IARS1: variants seen among roughly 807,000 people sequenced by gnomAD.
The protein encoded by IARS1 is isoleucine--tRNA ligase, cytoplasmic.
In IARS1, 124 loss-of-function variants were observed where a neutral mutation model predicts 168.2. The observed-to-expected ratio is 0.74, with a 90% CI of 0.64 to 0.86. The LOEUF (loss-of-function observed/expected upper bound fraction) is 0.86. Ranked by LOEUF, IARS1 falls within the 40% of genes least tolerant of loss-of-function variation. The pLI, the probability that IARS1 is intolerant of heterozygous loss-of-function variation, is 0.00. For missense variants in IARS1, 1,452 were observed against 1,515.8 expected, an observed-to-expected ratio of 0.96 and a Z score of 0.70; for synonymous variants, 532 against 529.4, an observed-to-expected ratio of 1.00 and a Z score of -0.07.
intron 33 of IARS1, among the ~76,000 whole-genome samples, chr9:92,220,879 G>A (rs138279946): frequency 2.0e-5 from 3 of 152,162 alleles, no homozygotes; most frequent in African/African-American, 4.8e-5. Flanking sequence ...TGGGAGGATC[G>A]CTGGATCCCA....
Position 92,269,960 on chromosome 9 carries a change from T to C in IARS1, c.1229A>G (p.Lys410Arg). Residue 410 changes from lysine (K) to arginine (R), a missense_variant, in exon 13 of 34, where the codon AAA becomes AGA. By Grantham distance (26) the Lys-to-Arg change is conservative. Transcript: ENST00000443024. ...CWRSDTPLIY[K>R]AVPSWFVRVE... is the part of the protein sequence containing the mutation. ...TCGCACAAACCAGCTGGGCACTGCT[T>C]TGTAAATTAGAGGAGTGTCTGATCT... 6.2e-7 allele frequency: 1 copy of C among 1,613,400 alleles called. No individual in the cohort carries two copies. Among genetic ancestry groups the C allele is most frequent in the Non-Finnish European group, 8.5e-7 (1 of 1,179,422 alleles).
intron 33 of IARS1, among the ~76,000 whole-genome samples, chr9:92,218,884 C>G (rs900797446): frequency 6.6e-5 from 10 of 151,832 alleles, no homozygotes; most frequent in Non-Finnish European, 1.3e-4. Flanking sequence ...CCCCATCAAG[C>G]TACCAATGCC....
Position 92,280,875 on chromosome 9 carries a change from CTGAAGGATCT to C in IARS1, c.606_615del (p.Asp203TyrfsTer3). ...TCTTCCAAAGGGAAAGTTACAAATA[CTGAAGGATCT>C]TGAACATCCTGAAATAAATTGAGGT... On this transcript the variant is annotated frameshift_variant, in exon 7 of 34. Coordinates refer to ENST00000443024, the MANE Select transcript of IARS1 (RefSeq NM_002161.6). LOFTEE classifies it high-confidence loss of function. 1 of 1,610,500 alleles carries C rather than the reference CTGAAGGATCT, an allele frequency of 6.2e-7. No homozygotes were observed. The highest frequency in any genetic ancestry group is 8.5e-7 in the Non-Finnish European group (1 of 1,177,404).
At chr9:92,219,280 A>G (rs1248769176) in intron 33 of IARS1, among the ~76,000 whole-genome samples, 1 of 152,208 alleles carries the variant, frequency 6.6e-6, no homozygotes, top group Non-Finnish European at 1.5e-5. Context: ...AGATGGATTA[A>G]AGACTTAAAC....
chr9:92,240,655 A>T, intron 30 of IARS1: 1 of 717,096 alleles, frequency 1.4e-6, no homozygotes, highest in Non-Finnish European at 2.6e-6. Flanking sequence ...TGGCTTCCAA[A>T]AGTGGTAGAT....
At chr9:92,213,683 T>A (rs887086732) in intron 33 of IARS1, among the ~76,000 whole-genome samples, 1 of 152,170 alleles carries the variant, frequency 6.6e-6, no homozygotes, top group South Asian at 2.1e-4. Context: ...ATCCCATTTG[T>A]GGAAATTTGT....
rs535897296 is a variant in IARS1, at chr9:92,253,565, C to T, written c.2138-112G>A. ...AGCTCCTTCCATCCAAGTGCCTCCA[C>T]TTACTAAGGAGAAAAGAACCAAAAT... On this transcript the variant is annotated intron_variant, in intron 20 of 33. Coordinates refer to ENST00000443024, the MANE Select transcript of IARS1 (RefSeq NM_002161.6). The T allele has an allele frequency of 7.2e-6, 5 of 690,680 alleles. No individual in the cohort carries two copies. The East Asian group carries it at 7.5e-5, about 10-fold the overall frequency. The allele number at this position is 690,680 out of a possible 1,614,324, so 42.8% of individuals were successfully genotyped here.
At chr9:92,244,706 G>A (rs2133636386) in intron 27 of IARS1, among the ~76,000 whole-genome samples, 1 of 152,190 alleles carries the variant, frequency 6.6e-6, no homozygotes, top group Admixed American at 6.5e-5. Flanking sequence ...GTTCATTTTT[G>A]TGCAACCCCA....
At chr9:92,279,529 C>A (rs903444432) in intron 7 of IARS1, among the ~76,000 whole-genome samples, 3 of 152,160 alleles carry the variant, frequency 2.0e-5, no homozygotes, top group Non-Finnish European at 4.4e-5. Flanking sequence ...TATTTGCTCC[C>A]AGGAAAGAAC....
At chr9:92,292,459 A>G (rs1396056318) in intron 1 of IARS1, 1 of 155,004 alleles carries the variant, frequency 6.5e-6, no homozygotes, top group Non-Finnish European at 1.5e-5. Flanking sequence ...ATTCAGGAAG[A>G]ATCATGTACC....
At chr9:92,282,838 A>T in intron 6 of IARS1, among the ~76,000 whole-genome samples, 1 of 140,904 alleles carries the variant, frequency 7.1e-6, no homozygotes, top group Non-Finnish European at 1.5e-5. Context: ...ACATACACAC[A>T]CATATATATA....
intron 31 of IARS1, among the ~76,000 whole-genome samples, chr9:92,223,732 T>C (rs1328126224): frequency 6.6e-6 from 1 of 152,198 alleles, no homozygotes; most frequent in African/African-American, 2.4e-5. Context: ...GGCTAATTGT[T>C]TTCTCTATTT....
intron 30 of IARS1, among the ~76,000 whole-genome samples, chr9:92,232,610 T>G (rs1826895143): frequency 6.6e-6 from 1 of 152,194 alleles, no homozygotes; most frequent in Admixed American, 6.5e-5. Context: ...AGAGGAATCT[T>G]GGAAAAGGAA....
intron 3 of IARS1, 87 bp downstream of exon 3, chr9:92,288,039 G>A (rs1285678242): frequency 7.9e-6 from 12 of 1,520,488 alleles, no homozygotes; most frequent in East Asian, 6.8e-5. Context: ...GACAGTCAAC[G>A]TTCATCATAC....
At position 92,234,102 on chromosome 9, in the gene IARS1, T is replaced by A. The variant is rs1178741434; in HGVS notation, c.3284-4976A>T. ...GTGACTGTAAATGATACCACATTTT[T>A]AATTTCATTGCCCACTTGTTCATTG... On this transcript the variant is annotated intron_variant, in intron 30 of 33. Transcript: ENST00000443024. Among the ~76,000 whole-genome samples the A allele has an allele frequency of 3.3e-5, 5 of 152,206 alleles. 1 individual carries two copies. The highest frequency in any genetic ancestry group is 1.3e-4 in the Admixed American group (2 of 15,282).
chr9:92,243,751 C>A (rs956911612), intron 27 of IARS1, among the ~76,000 whole-genome samples: 1 of 152,198 alleles, frequency 6.6e-6, no homozygotes, highest in Non-Finnish European at 1.5e-5. Context: ...CTTTCCTATA[C>A]CATGACCCCT....
chr9:92,270,048 G>GAAAAGTCAGTCTT, intron 12 of IARS1, 65 bp from the exon 13 acceptor site: 1 of 927,482 alleles, frequency 1.1e-6, no homozygotes, highest in South Asian at 1.3e-5. Context: ...CGGTAAGACT[G>GAAAAGTCAGTCTT]ACTTTTCATG....
intron 6 of IARS1, among the ~76,000 whole-genome samples, chr9:92,282,294 T>G (rs1834703938): frequency 1.3e-5 from 2 of 151,990 alleles, no homozygotes; most frequent in Non-Finnish European, 2.9e-5. Flanking sequence ...TACATCAAAA[T>G]TAATTTTTTT....
At chr9:92,231,477 G>A (rs541712892) in intron 30 of IARS1, among the ~76,000 whole-genome samples, 32 of 147,744 alleles carry the variant, frequency 2.2e-4, no homozygotes, top group Middle Eastern at 3.4e-3. Context: ...GCAATGGCAT[G>A]ATCTTGGCTC....
Sources: gnomAD v4.1 joint callset for allele counts (sites outside exome capture counted in the v4.1 genomes callset) on GRCh38, gnomAD v4.1.1 for gene constraint, MANE v1.5 for transcripts, NCBI Gene and HGNC (gene_info 2026-07-23, HGNC 2026-07-21) for gene names.